PTCHD1: variants seen among roughly 807,000 people sequenced by gnomAD.
The protein encoded by PTCHD1 is patched domain-containing protein 1.
In PTCHD1, 3 loss-of-function variants were observed where a neutral mutation model predicts 34.6. That is an observed-to-expected ratio of 0.09 (90% CI 0.04 to 0.22). The LOEUF (loss-of-function observed/expected upper bound fraction) is 0.22, where lower values mean the gene tolerates loss of function less well. Among genes scored for constraint, PTCHD1 ranks in the 10% least tolerant of loss-of-function variants. The pLI is 1.00. For synonymous variants in PTCHD1, 305 were observed against 283.1 expected (o/e 1.08, Z -0.77); for missense variants, 504 against 685.5 (o/e 0.74, Z 2.96).
rs763041195 is a variant in PTCHD1, at chrX:23,392,074, C to CTTT, written c.1013-442_1013-440dup. Among the ~76,000 whole-genome samples the CTTT allele has an allele frequency of 1.1e-3, 59 of 52,347 alleles. 1 individual carries two copies. The highest frequency in any genetic ancestry group is 1.9e-3 in the East Asian group (3 of 1,585). The allele number at this position is 52,347 out of a possible 115,157, so 45.5% of individuals were successfully genotyped here. ...TTCTTTCTTTTTTCTTTCTTTCTTT[C>CTTT]TTTTTTTTTTTTTTTTTGAGAGATG... is the stretch of plus-strand genomic sequence containing the variant. On this transcript the variant is annotated intron_variant, in intron 2 of 2. Transcript: ENST00000379361.
chrX:23,341,212 G>C (rs1047610903), intron 1 of PTCHD1, among the ~76,000 whole-genome samples: 3 of 111,546 alleles, frequency 2.7e-5, no homozygotes, highest in Admixed American at 9.4e-5. Flanking sequence ...ATGGCATCTT[G>C]ATAGATGCCA....
intron 1 of PTCHD1, among the ~76,000 whole-genome samples, chrX:23,354,496 A>AATATATATAT (rs142123920): frequency 2.1e-5 from 2 of 95,813 alleles, no homozygotes; most frequent in South Asian, 5.0e-4. Context: ...GAAGTACACA[A>AATATATATAT]ATATATATAT....
At chrX:23,351,230 A>G in intron 1 of PTCHD1, 1 of 741,727 alleles carries the variant, frequency 1.3e-6, no homozygotes. Context: ...ATGGCTCAGC[A>G]GACTCCTGTA....
At chrX:23,388,831 G>GA (rs539710655) in intron 2 of PTCHD1, among the ~76,000 whole-genome samples, 2,315 of 94,773 alleles carry the variant, frequency 0.024, 30 homozygotes, top group Middle Eastern at 0.065. Context: ...ACTCCGTCTC[G>GA]AAAAAAAAAA....
At chrX:23,345,044 G>C (rs182243180) in intron 1 of PTCHD1, among the ~76,000 whole-genome samples, 87 of 112,209 alleles carry the variant, frequency 7.8e-4, no homozygotes, top group African/African-American at 2.7e-3. Flanking sequence ...AGTGATAATT[G>C]TAAAGTCCTT....
chrX:23,341,750 C>T (rs1056200590), intron 1 of PTCHD1, among the ~76,000 whole-genome samples: 6 of 112,454 alleles, frequency 5.3e-5, no homozygotes, highest in Non-Finnish European at 7.5e-5. Context: ...TTATTTCTTA[C>T]GGGAAGCCCT....
At chrX:23,375,979 C>T (rs112621575) in intron 1 of PTCHD1, among the ~76,000 whole-genome samples, 6,058 of 111,555 alleles carry the variant, frequency 0.054, 257 homozygotes, top group East Asian at 0.14. Context: ...AATACAATAA[C>T]AATAAAAAAT....
rs762257631 is a variant in PTCHD1 at position 23,403,236 on chromosome X, G to C, written c.*9051G>C. On this transcript the variant is annotated 3_prime_UTR_variant, in exon 3 of 3. Transcript: ENST00000379361. The stretch of plus-strand genomic sequence containing the variant: ...TCTGTTCCTCCAAAAAGACCCCATA[G>C]TTAATGTTGTGTTTCCCAGTATTTT... 29 of 112,129 alleles carry C rather than the reference G, an allele frequency of 2.6e-4. No individual in the cohort carries two copies. The highest frequency in any genetic ancestry group is 9.1e-4 in the African/African-American group (28 of 30,929). The allele number at this position is 112,129 out of a possible 1,213,427, so 9.2% of individuals were successfully genotyped here. A position where few individuals can be genotyped will look rare whatever the true frequency, so the allele number is the denominator to read the frequency against.
At chrX:23,372,124 G>T (rs1156952030) in intron 1 of PTCHD1, among the ~76,000 whole-genome samples, 1 of 109,919 alleles carries the variant, frequency 9.1e-6, no homozygotes, top group Non-Finnish European at 1.9e-5. Flanking sequence ...ATGTCATGAT[G>T]GTACCATGAA....
At position 23,360,503 on chromosome X, in the gene PTCHD1, A is replaced by G. The variant is rs186549902; in HGVS notation, c.352-19088A>G. ...TGGGATCGGTGGTGATATCCCCTTT[A>G]TCATTTTTTAATGTGTCTATTTGAT... On this transcript the variant is annotated intron_variant, in intron 1 of 2. Coordinates refer to ENST00000379361, the MANE Select transcript of PTCHD1 (RefSeq NM_173495.3). Among the ~76,000 whole-genome samples, 5 of 111,403 alleles carry G rather than the reference A, an allele frequency of 4.5e-5. No individual in the cohort carries two copies. The East Asian group carries it at 1.4e-3, about 31-fold the overall frequency.
In PTCHD1 at chrX:23,335,090, G is replaced by A. The variant is rs781460378; in HGVS notation, c.215G>A (p.Ser72Asn). The change falls in exon 1 of 3, where the codon AGC (serine) becomes AAC (asparagine). Residue 72 changes from serine to asparagine, a missense_variant. Ser to Asn is a conservative substitution (Grantham distance 46). Coordinates refer to ENST00000379361, the MANE Select transcript of PTCHD1 (RefSeq NM_173495.3). ...AAGATCGAGCGCAACCTCGTTAACA[G>A]CCTCTTCCCGGTCAACCGCTCCAAG... ...LAKIERNLVN[S>N]LFPVNRSKHR... The A allele has an allele frequency of 1.2e-5, 15 of 1,211,332 alleles. No individual in the cohort carries two copies. Among genetic ancestry groups the A allele is most frequent in the Non-Finnish European group, 1.7e-5 (15 of 895,179 alleles).
At chrX:23,351,311 A>G in intron 1 of PTCHD1, 6 of 865,056 alleles carry the variant, frequency 6.9e-6, no homozygotes, top group Non-Finnish European at 1.0e-5. Flanking sequence ...AACTTACACA[A>G]TTTTGCTTCA....
intron 1 of PTCHD1, among the ~76,000 whole-genome samples, chrX:23,344,045 A>G (rs1360878307): frequency 8.9e-6 from 1 of 112,511 alleles, no homozygotes; most frequent in African/African-American, 3.2e-5. Context: ...GCTAAAATAC[A>G]GACTGATTCA....
chrX:23,350,880 A>G (rs1921614456), intron 1 of PTCHD1: 1 of 138,634 alleles, frequency 7.2e-6, no homozygotes, highest in Non-Finnish European at 1.4e-5. Context: ...TCAAACTACA[A>G]ATATTTACTG....
At position 23,337,792 on chromosome X, in the gene PTCHD1, G is replaced by A. The variant is rs181269105; in HGVS notation, c.351+2566G>A. Among the ~76,000 whole-genome samples, 360 of 111,056 alleles carry A rather than the reference G, an allele frequency of 3.2e-3. 1 individual carries two copies. Among genetic ancestry groups the A allele is most frequent in the Non-Finnish European group, 5.0e-3 (267 of 53,015 alleles). The stretch of plus-strand genomic sequence containing the variant: ...TACCCCAGTACAGAACTGAGGAGGT[G>A]ACTTGTAGGGCTGTGTAGGGTGTTG... On this transcript the variant is annotated intron_variant, in intron 1 of 2. Transcript: ENST00000379361.
In PTCHD1 at chrX:23,392,647, C is replaced by T. The variant is rs1922867392; in HGVS notation, c.1129C>T (p.Leu377Phe). The T allele has an allele frequency of 8.3e-7, 1 of 1,209,777 alleles. No individual in the cohort carries two copies. The highest frequency in any genetic ancestry group is 1.7e-5 in the African/African-American group (1 of 57,316). The change falls in exon 3 of 3, where the codon CTC (leucine) becomes TTC (phenylalanine). Residue 377 changes from leucine (L) to phenylalanine (F), a missense_variant. Physicochemically the swap from Leu to Phe is conservative, Grantham distance 22. Transcript: ENST00000379361. ...VYADSMLSFS[L>F]TTAMYLVTFG... is the part of the protein sequence containing the mutation. Reference sequence around the variant, plus strand: ...TGCAGACTCCATGCTCTCCTTTTCTCTCACCACTGCCATGTACCTGGTCAC... The same window carrying T: ...TGCAGACTCCATGCTCTCCTTTTCTTTCACCACTGCCATGTACCTGGTCAC...
intron 2 of PTCHD1, among the ~76,000 whole-genome samples, chrX:23,390,983 TC>T (rs777105263): frequency 8.9e-6 from 1 of 111,936 alleles, no homozygotes; most frequent in African/African-American, 3.2e-5. Context: ...GATCTGCTGA[TC>T]CCCATTGCCA....
At position 23,393,870 on chromosome X, in the gene PTCHD1, T is replaced by A; in HGVS notation, c.2352T>A (p.Thr784=). ...TFVLGKDFTR[T]KWVKNALEVH... The stretch of plus-strand genomic sequence containing the variant: ...TTCTGGGCAAGGATTTCACAAGAAC[T>A]AAATGGGTAAAAAATGCCCTGGAAG... Residue 784 remains threonine (T), a synonymous_variant, in exon 3 of 3, where the codon ACT becomes ACA. Coordinates refer to ENST00000379361, the MANE Select transcript of PTCHD1 (RefSeq NM_173495.3). 8.3e-7 allele frequency: 1 copy of A among 1,211,638 alleles called. No homozygotes were observed. Among genetic ancestry groups the A allele is most frequent in the Non-Finnish European group, 1.1e-6 (1 of 895,350 alleles).
Position 23,401,035 on chromosome X carries a change from G to GTGTGTGTC in PTCHD1, c.*6857_*6858insCTGTGTGT, listed in dbSNP as rs1307927860. 9.2e-6 allele frequency: 1 copy of GTGTGTGTC among 108,189 alleles called. No individual in the cohort carries two copies. The highest frequency in any genetic ancestry group is 1.9e-5 in the Non-Finnish European group (1 of 52,263). 8.9% of individuals were successfully genotyped at this position (108,189 alleles called of 1,213,427 possible). Reference sequence around the variant, plus strand: ...CGCGCCCGGCTAATTGTGTGTGTGTGTGTGTGTGTGTGTGTGTGTGTGTTT... The same window carrying GTGTGTGTC: ...CGCGCCCGGCTAATTGTGTGTGTGTGTGTGTGTCTGTGTGTGTGTGTGTGTGTGTGTTT... On this transcript the variant is annotated 3_prime_UTR_variant, in exon 3 of 3. Transcript: ENST00000379361.
Sources: gnomAD v4.1 joint callset for allele counts (sites outside exome capture counted in the v4.1 genomes callset) on GRCh38, gnomAD v4.1.1 for gene constraint, MANE v1.5 for transcripts, NCBI Gene and HGNC (gene_info 2026-07-23, HGNC 2026-07-21) for gene names.